The following LIMCH1 variants were observed in gnomAD, a reference collection of about 807,000 sequenced individuals.
The protein encoded by LIMCH1 is LIM and calponin homology domains-containing protein 1.
In LIMCH1, 113 loss-of-function variants were observed where a neutral mutation model predicts 176.5. The observed-to-expected ratio is 0.64, with a 90% CI of 0.55 to 0.75. The LOEUF (loss-of-function observed/expected upper bound fraction) is 0.75, where lower values mean the gene tolerates loss of function less well. Among genes scored for constraint, LIMCH1 ranks in the 30% least tolerant of loss-of-function variants. The probability of loss-of-function intolerance (pLI) is 0.00; values close to 1 mark genes in which losing one functional copy is unlikely to be tolerated. For missense variants in LIMCH1, 1,674 were observed against 1,814.9 expected (o/e 0.92, Z 1.41); for synonymous variants, 619 against 645.9 (o/e 0.96, Z 0.63).
At chr4:41,556,027 G>C (rs1163971582) in intron 1 of LIMCH1, among the ~76,000 whole-genome samples, 1 of 152,070 alleles carries the variant, frequency 6.6e-6, no homozygotes, top group Non-Finnish European at 1.5e-5. Context: ...TTACAGGTGT[G>C]AGCCACCACA....
intron 8 of LIMCH1, among the ~76,000 whole-genome samples, chr4:41,628,648 A>C (rs1416946170): frequency 6.6e-6 from 1 of 152,200 alleles, no homozygotes; most frequent in African/African-American, 2.4e-5. Context: ...TTTCTATTTC[A>C]AGAAGCATAT....
At chr4:41,447,949 C>T (rs1028438104) in intron 1 of LIMCH1, among the ~76,000 whole-genome samples, 1 of 152,124 alleles carries the variant, frequency 6.6e-6, no homozygotes, top group African/African-American at 2.4e-5. Flanking sequence ...CACCACCACG[C>T]CTGGCTAATT....
intron 1 of LIMCH1, among the ~76,000 whole-genome samples, chr4:41,438,361 TTTTTC>T (rs1190349703): frequency 2.6e-5 from 4 of 152,020 alleles, no homozygotes; most frequent in South Asian, 2.1e-4. Flanking sequence ...TGCCTTTTAA[TTTTTC>T]TTTTCTTTTC....
intron 1 of LIMCH1, among the ~76,000 whole-genome samples, chr4:41,462,891 T>A (rs376232215): frequency 6.9e-6 from 1 of 144,406 alleles, no homozygotes; most frequent in African/African-American, 2.4e-5. Context: ...TATTTTTTTT[T>A]AAGTTTATAT....
At chr4:41,381,574 T>A (rs1278377363) in intron 1 of LIMCH1, among the ~76,000 whole-genome samples, 1 of 152,132 alleles carries the variant, frequency 6.6e-6, no homozygotes, top group African/African-American at 2.4e-5. Flanking sequence ...GTTTCCTGAC[T>A]CCTTGGATTC....
intron 1 of LIMCH1, among the ~76,000 whole-genome samples, chr4:41,411,315 C>A (rs998337582): frequency 2.6e-5 from 4 of 152,102 alleles, no homozygotes; most frequent in African/African-American, 9.7e-5. Flanking sequence ...TCATCATGGC[C>A]AACATGATCA....
intron 1 of LIMCH1, among the ~76,000 whole-genome samples, chr4:41,562,130 G>T (rs956519714): frequency 6.6e-6 from 1 of 152,140 alleles, no homozygotes; most frequent in Non-Finnish European, 1.5e-5. Context: ...CCAGATATGG[G>T]CATGAAAGAG....
At chr4:41,443,659 T>C (rs1436915884) in intron 1 of LIMCH1, among the ~76,000 whole-genome samples, 1 of 152,184 alleles carries the variant, frequency 6.6e-6, no homozygotes, top group African/African-American at 2.4e-5. Context: ...AAGCAATGGC[T>C]AAACTCTTTT....
chr4:41,501,310 C>A (rs536792218), intron 2 of LIMCH1, among the ~76,000 whole-genome samples: 1 of 152,330 alleles, frequency 6.6e-6, no homozygotes. Context: ...GCATTCACTG[C>A]AAGAACCTTA....
chr4:41,428,536 A>C (rs2061322676), intron 1 of LIMCH1, among the ~76,000 whole-genome samples: 1 of 152,202 alleles, frequency 6.6e-6, no homozygotes, highest in African/African-American at 2.4e-5. Context: ...GGATTAAATG[A>C]TAGACTATGC....
chr4:41,469,154 C>T (rs1326395520), intron 1 of LIMCH1, among the ~76,000 whole-genome samples: 1 of 152,136 alleles, frequency 6.6e-6, no homozygotes, highest in African/African-American at 2.4e-5. Context: ...TAATCTGGGC[C>T]TCCTGGTAGC....
intron 1 of LIMCH1, chr4:41,361,015 A>G: frequency 9.6e-7 from 1 of 1,038,380 alleles, no homozygotes; most frequent in Non-Finnish European, 1.4e-6. Flanking sequence ...CCGCAGGTCC[A>G]GCCTTGCCTC....
chr4:41,531,926 A>G (rs780263311), intron 3 of LIMCH1, among the ~76,000 whole-genome samples: 1 of 152,330 alleles, frequency 6.6e-6, no homozygotes, highest in Non-Finnish European at 1.5e-5. Context: ...TGAAGAAGGC[A>G]TATTCACTGA....
intron 18 of LIMCH1, among the ~76,000 whole-genome samples, chr4:41,653,203 A>G (rs2094359412): frequency 6.6e-6 from 1 of 152,172 alleles, no homozygotes; most frequent in East Asian, 1.9e-4. Flanking sequence ...CAAGTTTTCC[A>G]TTCAGAGTGT....
chr4:41,437,009 C>T (rs572308518), intron 1 of LIMCH1, among the ~76,000 whole-genome samples: 1 of 152,158 alleles, frequency 6.6e-6, no homozygotes, highest in Non-Finnish European at 1.5e-5. Context: ...TGAATGTGAG[C>T]TTGACACACA....
Position 41,361,046 on chromosome 4 carries a change from C to A in LIMCH1, c.96+110C>A, listed in dbSNP as rs115456967. The A allele has an allele frequency of 9.4e-4, 596 of 635,704 alleles. 3 individuals are homozygous for A. In the African/African-American group the frequency reaches 0.011, roughly 11 times the overall value. 39.4% of individuals were successfully genotyped at this position (635,704 alleles called of 1,614,324 possible). ...GCCTCCCCCCAACCGCCCCCACTTTCTTTTGCCAGCTGCTCCAGGTCACCC... is the reference window on the plus strand; with the variant it reads ...GCCTCCCCCCAACCGCCCCCACTTTATTTTGCCAGCTGCTCCAGGTCACCC... On this transcript the variant is annotated intron_variant, in intron 1 of 26. Coordinates refer to the LIMCH1 transcript ENST00000313860.
chr4:41,409,740 G>A (rs1445404605), intron 1 of LIMCH1, among the ~76,000 whole-genome samples: 5 of 152,058 alleles, frequency 3.3e-5, no homozygotes, highest in Non-Finnish European at 7.4e-5. Context: ...GGCTCTTTTT[G>A]TTTAATAATA....
chr4:41,657,029 G>A (rs2094483654), intron 18 of LIMCH1, among the ~76,000 whole-genome samples: 1 of 152,094 alleles, frequency 6.6e-6, no homozygotes, highest in Non-Finnish European at 1.5e-5. Flanking sequence ...GCTAGACCAT[G>A]TCTCTCTCAA....
At chr4:41,657,481 C>T (rs1285456058) in intron 18 of LIMCH1, among the ~76,000 whole-genome samples, 1 of 152,200 alleles carries the variant, frequency 6.6e-6, no homozygotes, top group Non-Finnish European at 1.5e-5. Flanking sequence ...AGCCTATATA[C>T]ATTGCAGAAT....
Sources: allele counts gnomAD v4.1 joint callset (sites outside exome capture counted in the v4.1 genomes callset), GRCh38; gene constraint gnomAD v4.1.1; transcripts MANE v1.5; gene names NCBI Gene and HGNC (gene_info 2026-07-23, HGNC 2026-07-21).